SH3PXD2B: variants seen among roughly 807,000 people sequenced by gnomAD.
SH3PXD2B encodes the protein SH3 and PX domains 2B, also known as SH3 and PX domain-containing protein 2B.
SH3PXD2B carries 37 observed loss-of-function variants against 73.1 expected under a neutral mutation model. That is an observed-to-expected ratio of 0.51 (90% CI 0.39 to 0.67). The LOEUF (loss-of-function observed/expected upper bound fraction) is 0.67, where lower values mean the gene tolerates loss of function less well. SH3PXD2B is among the 30% of genes least tolerant of loss of function. The pLI, the probability that SH3PXD2B is intolerant of heterozygous loss-of-function variation, is 0.00. For synonymous variants in SH3PXD2B, 457 were observed against 480.5 expected (o/e 0.95, Z 0.64); for missense variants, 1,053 against 1,197.8 (o/e 0.88, Z 1.78).
Position 172,415,854 on chromosome 5 carries a change from C to G in SH3PXD2B, c.156+6562G>C, listed in dbSNP as rs1185576245. Among the ~76,000 whole-genome samples, 6 of 152,276 alleles carry G rather than the reference C, an allele frequency of 3.9e-5. No homozygotes were observed. The East Asian group carries it at 1.2e-3, about 29-fold the overall frequency. On this transcript the variant is annotated intron_variant, in intron 2 of 12. Coordinates refer to ENST00000311601, the MANE Select transcript of SH3PXD2B (RefSeq NM_001017995.3). ...TCCCAAGGCCGCACAGCTGGTAAGACAGAGGGAAGGACCCGACACCAGGTA... is the reference window on the plus strand; with the variant it reads ...TCCCAAGGCCGCACAGCTGGTAAGAGAGAGGGAAGGACCCGACACCAGGTA...
intron 8 of SH3PXD2B, among the ~76,000 whole-genome samples, chr5:172,358,143 C>G (rs75765170): frequency 0.064 from 9,679 of 152,272 alleles, 391 homozygotes; most frequent in South Asian, 0.22. Flanking sequence ...GATTAAAATT[C>G]AGGTGTGTCT....
At chr5:172,341,661 A>T (rs1420410623) in intron 12 of SH3PXD2B, among the ~76,000 whole-genome samples, 1 of 151,746 alleles carries the variant, frequency 6.6e-6, no homozygotes, top group Non-Finnish European at 1.5e-5. Flanking sequence ...TTATTTATTT[A>T]TTTTTTTGAG....
chr5:172,338,533 C>T lies in SH3PXD2B; in HGVS notation c.2572G>A (p.Val858Met), dbSNP rs758060713. 2.3e-5 allele frequency: 37 copies of T among 1,614,086 alleles called. No homozygotes were observed. The highest frequency in any genetic ancestry group is 3.3e-4 in the Middle Eastern group (2 of 6,084). ...TCTTTGTCTCCTTCAAAGTCGGCCA[C>T]GGCCACATACAAAGAGTCCTTCAGG... The part of the protein sequence containing the change: ...DGLKDSLYVA[V>M]ADFEGDKDTS... Residue 858 changes from valine to methionine, a missense_variant, in exon 13 of 13, where the codon GTG becomes ATG. By Grantham distance (21) the Val-to-Met change is conservative. This residue lies in a region of SH3PXD2B where 587 missense variants were observed against 590.7 expected (regional missense o/e 0.99). Coordinates refer to ENST00000311601, the MANE Select transcript of SH3PXD2B (RefSeq NM_001017995.3). This position sits in a 1 kb window ranked among gnomAD's most constrained non-coding sequence, Gnocchi z 5.1.
intron 2 of SH3PXD2B, among the ~76,000 whole-genome samples, chr5:172,414,086 G>T (rs955565410): frequency 6.6e-5 from 10 of 152,206 alleles, no homozygotes; most frequent in African/African-American, 2.4e-4. Context: ...GTGGAGCATG[G>T]GGGCTTATGG....
At chr5:172,443,773 A>C (rs1759601605) in intron 1 of SH3PXD2B, among the ~76,000 whole-genome samples, 1 of 152,268 alleles carries the variant, frequency 6.6e-6, no homozygotes, top group Non-Finnish European at 1.5e-5. Flanking sequence ...CTTTGCCAGC[A>C]CAGCGGGCGG....
intron 1 of SH3PXD2B, among the ~76,000 whole-genome samples, chr5:172,431,136 G>T (rs1031800429): frequency 1.3e-5 from 2 of 152,072 alleles, no homozygotes; most frequent in Non-Finnish European, 2.9e-5. Flanking sequence ...CAAAGTGCTG[G>T]GATTACAGGC....
At chr5:172,410,562 C>T (rs961720124) in intron 2 of SH3PXD2B, among the ~76,000 whole-genome samples, 2 of 152,260 alleles carry the variant, frequency 1.3e-5, no homozygotes, top group Non-Finnish European at 2.9e-5. Context: ...ATGCTCTGTA[C>T]TTTCCAGTCA....
At chr5:172,406,945 G>A (rs932955540) in intron 2 of SH3PXD2B, among the ~76,000 whole-genome samples, 1 of 152,166 alleles carries the variant, frequency 6.6e-6, no homozygotes, top group Non-Finnish European at 1.5e-5. Flanking sequence ...GTAGGCTGCT[G>A]TGGGGGTAGA....
At position 172,368,630 on chromosome 5, in the gene SH3PXD2B, A is replaced by ATATATATTATATATATAAC. The variant is rs1554137059; in HGVS notation, c.427+5159_427+5160insGTTATATATATAATATATA. On this transcript the variant is annotated intron_variant, in intron 6 of 12. Transcript: ENST00000311601. Reference sequence around the variant, plus strand: ...TAATATATATGTTATATATATATATAATATATATGTTATATATATAAAATA... The same window carrying ATATATATTATATATATAAC: ...TAATATATATGTTATATATATATATATATATATTATATATATAACATATATATGTTATATATATAAAATA... Among the ~76,000 whole-genome samples the ATATATATTATATATATAAC allele has an allele frequency of 1.7e-4, 2 of 11,554 alleles. 1 individual carries two copies. The highest frequency in any genetic ancestry group is 0.091 in the Middle Eastern group (2 of 22). The allele number at this position is 11,554 out of a possible 152,430, so 7.6% of individuals were successfully genotyped here.
chr5:172,399,799 T>C (rs971881869), intron 3 of SH3PXD2B, among the ~76,000 whole-genome samples: 1 of 152,224 alleles, frequency 6.6e-6, no homozygotes, highest in Non-Finnish European at 1.5e-5. Context: ...ACTTTCTGTC[T>C]CACCAGTTTC....
In SH3PXD2B at chr5:172,350,532, C is replaced by T. The variant is rs138021995; in HGVS notation, c.843G>A (p.Glu281=). 3.5e-4 allele frequency: 570 copies of T among 1,613,970 alleles called. 4 individuals carry two copies. The African/African-American group carries it at 7.1e-3, about 20-fold the overall frequency. The change falls in exon 10 of 13, where the codon GAG becomes GAA. Residue 281 remains glutamate, a synonymous_variant. Coordinates refer to ENST00000311601, the MANE Select transcript of SH3PXD2B (RefSeq NM_001017995.3). Reference sequence around the variant, plus strand: ...CAGGGCCTGGCTTCGGGGGCAAGGGCTCCCCACTGTTCTTCTTTAGGTAGG... The same window carrying T: ...CAGGGCCTGGCTTCGGGGGCAAGGGTTCCCCACTGTTCTTCTTTAGGTAGG... ...PASYLKKNSG[E]PLPPKPGPGS...
Position 172,334,746 on chromosome 5 carries a change from G to A in SH3PXD2B, c.*3623C>T. The A allele has an allele frequency of 1.0e-6, 1 of 985,442 alleles. No homozygotes were observed. Among genetic ancestry groups the A allele is most frequent in the African/African-American group, 1.7e-5 (1 of 57,352 alleles). The allele number at this position is 985,442 out of a possible 1,614,324, so 61.0% of individuals were successfully genotyped here. On this transcript the variant is annotated 3_prime_UTR_variant, in exon 13 of 13. Transcript: ENST00000311601. ...CACTCTGTGCTGGGTACTTGGGAGAGGCGAAATAAATACCAGACTGTCCAC... is the reference window on the plus strand; with the variant it reads ...CACTCTGTGCTGGGTACTTGGGAGAAGCGAAATAAATACCAGACTGTCCAC...
At position 172,416,428 on chromosome 5, in the gene SH3PXD2B, A is replaced by G. The variant is rs149650433; in HGVS notation, c.156+5988T>C. Reference sequence around the variant, plus strand: ...CTGTAACCTCTGCCTCCCGGGTTCAAATGATTCTCCTGCCTCAGCCTCCTG... The same window carrying G: ...CTGTAACCTCTGCCTCCCGGGTTCAGATGATTCTCCTGCCTCAGCCTCCTG... On this transcript the variant is annotated intron_variant, in intron 2 of 12. Transcript: ENST00000311601. 2.5e-3 allele frequency among the ~76,000 whole-genome samples: 384 copies of G among 151,828 alleles called. 2 individuals are homozygous for G. The highest frequency in any genetic ancestry group is 6.8e-3 in the Middle Eastern group (2 of 294).
intron 1 of SH3PXD2B, among the ~76,000 whole-genome samples, chr5:172,435,191 T>C (rs1371724058): frequency 1.3e-5 from 2 of 152,230 alleles, no homozygotes; most frequent in African/African-American, 4.8e-5. Flanking sequence ...CATTTCCTTC[T>C]ATTTTTAGCA....
At chr5:172,329,075 A>T (rs1477945966), downstream of SH3PXD2B, among the ~76,000 whole-genome samples, 6 of 71,142 alleles carry the variant, frequency 8.4e-5, no homozygotes, top group African/African-American at 2.2e-4. Flanking sequence ...ATATATATAT[A>T]TATATATATT....
At chr5:172,380,162 A>T (rs1757911889) in intron 5 of SH3PXD2B, among the ~76,000 whole-genome samples, 1 of 151,990 alleles carries the variant, frequency 6.6e-6, no homozygotes, top group Admixed American at 6.6e-5. Context: ...GGCCCGAGCA[A>T]TTCTCCCATC....
intron 2 of SH3PXD2B, among the ~76,000 whole-genome samples, chr5:172,422,063 C>T (rs942585191): frequency 4.0e-5 from 6 of 151,478 alleles, no homozygotes; most frequent in African/African-American, 4.9e-5. Context: ...GGCACGATCT[C>T]GGCTCACTGC....
intron 4 of SH3PXD2B, among the ~76,000 whole-genome samples, chr5:172,385,923 G>A (rs940314417): frequency 6.6e-6 from 1 of 152,224 alleles, no homozygotes; most frequent in Non-Finnish European, 1.5e-5. Flanking sequence ...TTCTGCTTCT[G>A]AAAGACTCCA....
downstream of SH3PXD2B, among the ~76,000 whole-genome samples, chr5:172,332,342 C>T (rs192400454): frequency 6.7e-6 from 1 of 150,046 alleles, no homozygotes; most frequent in Admixed American, 6.7e-5. Flanking sequence ...CAGCCTTGAA[C>T]TCCTGGGCTC....
Sources: gnomAD v4.1 joint callset for allele counts (sites outside exome capture counted in the v4.1 genomes callset) on GRCh38, gnomAD v4.1.1 for gene constraint, gnomAD v4.1.1 regional missense constraint, Gnocchi (gnomAD v3.1) non-coding constraint, MANE v1.5 for transcripts, NCBI Gene and HGNC (gene_info 2026-07-23, HGNC 2026-07-21) for gene names.